BRINP3: variants seen among roughly 807,000 people sequenced by gnomAD.
BRINP3 encodes BMP/retinoic acid inducible neural specific 3.
Under a neutral mutation model 71.0 loss-of-function variants are expected in BRINP3, and 19 were observed. The ratio of observed to expected loss-of-function variants is 0.27; its 90% CI spans 0.19 to 0.39. The LOEUF (loss-of-function observed/expected upper bound fraction) is 0.39. BRINP3 is among the 10% of genes least tolerant of loss of function. The pLI is 1.00. For missense variants in BRINP3, 959 were observed against 940.8 expected (o/e 1.02, Z -0.25); for synonymous variants, 380 against 337.7 (o/e 1.13, Z -1.37).
In BRINP3 at chr1:190,414,538, C is replaced by A. The variant is rs1434941908; in HGVS notation, c.236+40117G>T. On this transcript the variant is annotated intron_variant, in intron 2 of 7. Transcript: ENST00000367462. Reference sequence around the variant, plus strand: ...TCTTTGTATTCTGCCATTCTTGTTTCATGGTTTCACTAACAAGGGCATTAG... The same window carrying A: ...TCTTTGTATTCTGCCATTCTTGTTTAATGGTTTCACTAACAAGGGCATTAG... 2.6e-5 allele frequency among the ~76,000 whole-genome samples: 4 copies of A among 152,240 alleles called. No individual in the cohort carries two copies. In the East Asian group the frequency reaches 5.8e-4, roughly 22 times the overall value.
rs564077099 is a variant in BRINP3, at chr1:190,470,979, C to CATTAAGTGTAG, written c.-51+6458_-51+6468dup. Among the ~76,000 whole-genome samples the CATTAAGTGTAG allele has an allele frequency of 3.5e-3, 523 of 151,120 alleles. 3 individuals carry two copies. The highest frequency in any genetic ancestry group is 0.012 in the African/African-American group (484 of 41,454). On this transcript the variant is annotated intron_variant, in intron 1 of 7. Transcript: ENST00000367462. Reference sequence around the variant, plus strand: ...GTATGAATGAATACTTTATTTTAAACATTAAGTGTAGAGGAGTGGATTAAA... The same window carrying CATTAAGTGTAG: ...GTATGAATGAATACTTTATTTTAAACATTAAGTGTAGATTAAGTGTAGAGGAGTGGATTAAA...
intron 2 of BRINP3, among the ~76,000 whole-genome samples, chr1:190,332,999 T>G (rs1033964013): frequency 1.3e-5 from 2 of 151,858 alleles, no homozygotes; most frequent in African/African-American, 4.8e-5. Flanking sequence ...AAAAAAAAAT[T>G]CAGTACAAAG....
chr1:190,365,818 A>G (rs1042521627), intron 2 of BRINP3, among the ~76,000 whole-genome samples: 3 of 145,692 alleles, frequency 2.1e-5, no homozygotes, highest in Non-Finnish European at 4.5e-5. Flanking sequence ...ATATATATAT[A>G]TATATATATA....
At chr1:190,329,756 G>A (rs545440489) in intron 2 of BRINP3, among the ~76,000 whole-genome samples, 6 of 151,836 alleles carry the variant, frequency 4.0e-5, no homozygotes, top group African/African-American at 1.2e-4. Context: ...ACTATACTAC[G>A]AGGCCACAGT....
chr1:190,297,111 A>C (rs1664307831), intron 2 of BRINP3, among the ~76,000 whole-genome samples: 1 of 152,048 alleles, frequency 6.6e-6, no homozygotes, highest in Admixed American at 6.5e-5. Context: ...ATATTAAAAA[A>C]ACCCCAGCAA....
intron 2 of BRINP3, among the ~76,000 whole-genome samples, chr1:190,287,880 A>G (rs1663555686): frequency 1.6e-5 from 2 of 123,760 alleles, no homozygotes; most frequent in South Asian, 2.5e-4. Context: ...ACTGAAAATA[A>G]TTTAATTTTA....
intron 4 of BRINP3, among the ~76,000 whole-genome samples, chr1:190,243,498 T>A (rs900640125): frequency 1.3e-5 from 2 of 152,140 alleles, no homozygotes; most frequent in Non-Finnish European, 2.9e-5. Flanking sequence ...ACTGATGGTG[T>A]TACAAGAATG....
intron 2 of BRINP3, among the ~76,000 whole-genome samples, chr1:190,403,133 C>T (rs888186518): frequency 1.3e-5 from 2 of 152,202 alleles, no homozygotes; most frequent in African/African-American, 2.4e-5. Context: ...ATTATCAAAA[C>T]ATTCTTTTGT....
chr1:190,185,257 A>G, intron 6 of BRINP3, among the ~76,000 whole-genome samples: 1 of 152,144 alleles, frequency 6.6e-6, no homozygotes. Flanking sequence ...ATACAACTCA[A>G]TAGTCAAAAA....
chr1:190,433,766 T>A (rs914937665), intron 2 of BRINP3, among the ~76,000 whole-genome samples: 3 of 152,222 alleles, frequency 2.0e-5, no homozygotes, highest in Non-Finnish European at 4.4e-5. Context: ...CTCCTTCATA[T>A]ACTTTTTAAT....
At chr1:190,415,134 A>G (rs1239910781) in intron 2 of BRINP3, among the ~76,000 whole-genome samples, 1 of 152,294 alleles carries the variant, frequency 6.6e-6, no homozygotes, top group African/African-American at 2.4e-5. Context: ...CTGCCTCCCA[A>G]CATCTATATA....
chr1:190,304,893 A>C (rs780827875), intron 2 of BRINP3, among the ~76,000 whole-genome samples: 1 of 151,934 alleles, frequency 6.6e-6, no homozygotes, highest in Non-Finnish European at 1.5e-5. Flanking sequence ...CGAAATATAC[A>C]AGGAGCTCAA....
chr1:190,332,950 T>G (rs1003851289), intron 2 of BRINP3, among the ~76,000 whole-genome samples: 7 of 151,920 alleles, frequency 4.6e-5, no homozygotes, highest in African/African-American at 1.7e-4. Context: ...ACCTATTTTT[T>G]AAGCTTTATT....
intron 6 of BRINP3, among the ~76,000 whole-genome samples, chr1:190,177,329 A>ATTTTTTTT (rs11307442): frequency 4.0e-3 from 394 of 98,528 alleles, no homozygotes; most frequent in African/African-American, 4.8e-3. Context: ...TGCCTGGATA[A>ATTTTTTTT]TTTTTTTTTT....
intron 7 of BRINP3, among the ~76,000 whole-genome samples, chr1:190,154,438 A>G (rs1376130556): frequency 1.3e-5 from 2 of 152,190 alleles, no homozygotes; most frequent in Non-Finnish European, 2.9e-5. Flanking sequence ...GAAGATGCAC[A>G]AAGTCAAAAC....
chr1:190,298,171 G>A (rs979032208), intron 2 of BRINP3, among the ~76,000 whole-genome samples: 9 of 152,008 alleles, frequency 5.9e-5, no homozygotes, highest in Non-Finnish European at 1.0e-4. Context: ...TTATATCCAC[G>A]AGTTGTGTAG....
At chr1:190,141,761 TGTTGGTCAG>T (rs1655471075) in intron 7 of BRINP3, among the ~76,000 whole-genome samples, 1 of 151,882 alleles carries the variant, frequency 6.6e-6, no homozygotes, top group Non-Finnish European at 1.5e-5. Context: ...GATTTCACCA[TGTTGGTCAG>T]GCTGGTCTCA....
At chr1:190,409,817 T>C (rs1406766135) in intron 2 of BRINP3, among the ~76,000 whole-genome samples, 1 of 152,056 alleles carries the variant, frequency 6.6e-6, no homozygotes. Flanking sequence ...GGCCATATCC[T>C]GATAAAAATA....
At chr1:190,324,911 A>C (rs763717579) in intron 2 of BRINP3, among the ~76,000 whole-genome samples, 15 of 151,940 alleles carry the variant, frequency 9.9e-5, no homozygotes, top group Non-Finnish European at 1.8e-4. Flanking sequence ...TCTCAGAGGG[A>C]GTAAGAGTCA....
Sources: gnomAD v4.1 joint callset for allele counts (sites outside exome capture counted in the v4.1 genomes callset) on GRCh38, gnomAD v4.1.1 for gene constraint, MANE v1.5 for transcripts, NCBI Gene and HGNC (gene_info 2026-07-23, HGNC 2026-07-21) for gene names.